The following CDH18 variants were observed in gnomAD, a reference collection of about 807,000 sequenced individuals.
The protein encoded by CDH18 is cadherin 18.
CDH18 carries 31 observed loss-of-function variants against 67.9 expected under a neutral mutation model. That is an observed-to-expected ratio of 0.46 (90% CI 0.34 to 0.62). The LOEUF (loss-of-function observed/expected upper bound fraction) is 0.62, where lower values mean the gene tolerates loss of function less well. Ranked by LOEUF, CDH18 falls within the 20% of genes least tolerant of loss-of-function variation. The pLI, the probability that CDH18 is intolerant of heterozygous loss-of-function variation, is 0.01. For synonymous variants in CDH18, 362 were observed against 347.2 expected (o/e 1.04, Z -0.48); for missense variants, 890 against 975.5 (o/e 0.91, Z 1.17).
chr5:20,398,813 G>A (rs34048022), intron 1 of CDH18, among the ~76,000 whole-genome samples: 2 of 149,286 alleles, frequency 1.3e-5, no homozygotes, highest in South Asian at 2.1e-4. Flanking sequence ...GTATACCTAC[G>A]TAGAAAACCA....
intron 2 of CDH18, among the ~76,000 whole-genome samples, chr5:19,901,420 C>T (rs1181541156): frequency 6.6e-6 from 1 of 151,768 alleles, no homozygotes; most frequent in Non-Finnish European, 1.5e-5. Flanking sequence ...ACTAATAATC[C>T]CTTAATTTAT....
intron 2 of CDH18, among the ~76,000 whole-genome samples, chr5:19,916,238 G>C (rs188632733): frequency 1.3e-5 from 2 of 152,244 alleles, no homozygotes; most frequent in Admixed American, 6.6e-5. Flanking sequence ...CTGGCCTCTA[G>C]TTACTTCTCT....
intron 2 of CDH18, among the ~76,000 whole-genome samples, chr5:20,103,090 T>G (rs1222107082): frequency 2.0e-5 from 3 of 152,162 alleles, no homozygotes; most frequent in Non-Finnish European, 4.4e-5. Flanking sequence ...CCTTAGAAAA[T>G]GCCTCTTGAA....
At position 20,092,504 on chromosome 5, in the gene CDH18, A is replaced by C. The variant is rs1034576962; in HGVS notation, c.-517-100490T>G. ...TACTATTAAAAAAATTCTAAAAGTA[A>C]TTGTAAGTGTTTTAGCACTTAATAA... On this transcript the variant is annotated intron_variant, in intron 2 of 14. Coordinates refer to the CDH18 transcript ENST00000507958. 3.9e-5 allele frequency among the ~76,000 whole-genome samples: 6 copies of C among 152,204 alleles called. No homozygotes were observed. The East Asian group carries it at 1.2e-3, about 29-fold the overall frequency.
intron 1 of CDH18, among the ~76,000 whole-genome samples, chr5:20,464,257 C>T (rs1561029372): frequency 6.6e-6 from 1 of 152,184 alleles, no homozygotes; most frequent in African/African-American, 2.4e-5. Context: ...CTAGCACCTT[C>T]TCTGTGATTC....
intron 1 of CDH18, among the ~76,000 whole-genome samples, chr5:20,313,175 G>A (rs1219938930): frequency 3.9e-5 from 6 of 152,112 alleles, no homozygotes; most frequent in Non-Finnish European, 8.8e-5. Context: ...TAGTTATGCA[G>A]TCAATAGATT....
intron 2 of CDH18, among the ~76,000 whole-genome samples, chr5:20,069,613 A>G (rs930595088): frequency 2.6e-5 from 4 of 151,900 alleles, no homozygotes; most frequent in African/African-American, 9.7e-5. Context: ...GAGTTTCACC[A>G]TGTTGGCCCG....
intron 4 of CDH18, among the ~76,000 whole-genome samples, chr5:19,723,063 T>C (rs1766320971): frequency 6.6e-6 from 1 of 152,014 alleles, no homozygotes; most frequent in Non-Finnish European, 1.5e-5. Context: ...AATTTTTTTT[T>C]GTTAACACAC....
chr5:20,203,292 G>A (rs191553169), intron 2 of CDH18, among the ~76,000 whole-genome samples: 34 of 152,238 alleles, frequency 2.2e-4, no homozygotes, highest in Admixed American at 2.2e-3. Flanking sequence ...GAGACCAGGG[G>A]GTCAATGGGT....
intron 2 of CDH18, chr5:19,886,275 GA>G (rs1481409635): frequency 6.6e-6 from 1 of 152,076 alleles, no homozygotes; most frequent in Non-Finnish European, 1.5e-5. Context: ...TACTTAAAAT[GA>G]AAATGCACCC....
chr5:19,868,706 T>C (rs1314405387), intron 2 of CDH18, among the ~76,000 whole-genome samples: 6 of 152,150 alleles, frequency 3.9e-5, no homozygotes, highest in Non-Finnish European at 8.8e-5. Context: ...TTCTATAAAA[T>C]GAAACGTATG....
At chr5:20,077,093 C>T (rs6888041) in intron 2 of CDH18, among the ~76,000 whole-genome samples, 4,433 of 152,166 alleles carry the variant, frequency 0.029, 210 homozygotes, top group African/African-American at 0.1. Flanking sequence ...ATTCATCTCT[C>T]TTGTAACCCC....
chr5:19,780,093 A>G (rs1320504650), intron 3 of CDH18, among the ~76,000 whole-genome samples: 2 of 152,140 alleles, frequency 1.3e-5, no homozygotes, highest in African/African-American at 4.8e-5. Flanking sequence ...ACCTTCTTAG[A>G]ATAGGGCAGT....
In CDH18 at chr5:19,754,983, T is replaced by G. The variant is rs1434893565; in HGVS notation, c.229-7747A>C. On this transcript the variant is annotated intron_variant, in intron 3 of 12. Coordinates refer to ENST00000382275, the MANE Select transcript of CDH18 (RefSeq NM_004934.5). Reference sequence around the variant, plus strand: ...TGAACAACGATAATGACAGAACCTATCAAAACCTCTGGGATACAGCAAAGG... The same window carrying G: ...TGAACAACGATAATGACAGAACCTAGCAAAACCTCTGGGATACAGCAAAGG... Among the ~76,000 whole-genome samples the G allele has an allele frequency of 3.3e-5, 5 of 151,798 alleles. No homozygotes were observed. The East Asian group carries it at 9.7e-4, about 30-fold the overall frequency.
chr5:19,892,512 C>T (rs762380222), intron 2 of CDH18, among the ~76,000 whole-genome samples: 19 of 152,200 alleles, frequency 1.2e-4, no homozygotes, highest in South Asian at 1.0e-3. Flanking sequence ...CAGTCTCCAA[C>T]GATCTGTAAT....
intron 8 of CDH18, among the ~76,000 whole-genome samples, chr5:19,544,786 G>C (rs1037936933): frequency 6.6e-6 from 1 of 152,096 alleles, no homozygotes. Flanking sequence ...ACTTGTCCTA[G>C]CAGGAGGAAG....
chr5:20,270,677 T>C (rs1221783586), intron 1 of CDH18, among the ~76,000 whole-genome samples: 2 of 152,200 alleles, frequency 1.3e-5, no homozygotes, highest in East Asian at 1.9e-4. Context: ...TAAAGACACA[T>C]ACACATGTAT....
intron 2 of CDH18, among the ~76,000 whole-genome samples, chr5:20,029,962 T>C (rs1739240796): frequency 6.6e-6 from 1 of 152,214 alleles, no homozygotes; most frequent in Non-Finnish European, 1.5e-5. Flanking sequence ...TGTCAGAATT[T>C]AGTTTCATGT....
At chr5:20,103,151 G>A (rs567613236) in intron 2 of CDH18, among the ~76,000 whole-genome samples, 6 of 152,218 alleles carry the variant, frequency 3.9e-5, no homozygotes, top group Non-Finnish European at 7.4e-5. Context: ...ACAGACAAGC[G>A]TTCTTTGAAA....
Sources: gnomAD v4.1 joint callset for allele counts (sites outside exome capture counted in the v4.1 genomes callset) on GRCh38, gnomAD v4.1.1 for gene constraint, MANE v1.5 for transcripts, NCBI Gene and HGNC (gene_info 2026-07-23, HGNC 2026-07-21) for gene names.